The following NBAS variants were observed in gnomAD, a reference collection of about 807,000 sequenced individuals.
NBAS encodes the protein NBAS subunit of NRZ tethering complex.
Under a neutral mutation model 302.5 loss-of-function variants are expected in NBAS, and 219 were observed. The ratio of observed to expected loss-of-function variants is 0.72; its 90% confidence interval spans 0.65 to 0.81. NBAS has a LOEUF of 0.81. Among genes scored for constraint, NBAS ranks in the 30% least tolerant of loss-of-function variants. NBAS has a pLI of 0.00. For missense variants in NBAS, 2,932 were observed against 2,841.6 expected, an observed-to-expected ratio of 1.03 and a Z score of -0.72; for synonymous variants, 1,118 against 1,021.6, an observed-to-expected ratio of 1.09 and a Z score of -1.80.
chr2:15,455,721 G>A (rs1679219852), intron 21 of NBAS, among the ~76,000 whole-genome samples: 1 of 150,890 alleles, frequency 6.6e-6, no homozygotes. Flanking sequence ...GAAGACTGCA[G>A]TGCAGTTAAG....
the NBAS span, among the ~76,000 whole-genome samples, chr2:15,148,884 C>G: frequency 6.6e-6 from 1 of 152,120 alleles, no homozygotes; most frequent in African/African-American, 2.4e-5. Context: ...AAAATACTTT[C>G]CTATGCTTCA....
Position 15,475,828 on chromosome 2 carries a change from T to C in NBAS, c.1200A>G (p.Ala400=), listed in dbSNP as rs946121556. Residue 400 remains alanine (A), a synonymous_variant, in exon 14 of 52, where the codon GCA becomes GCG. Coordinates refer to ENST00000281513, the MANE Select transcript of NBAS (RefSeq NM_015909.4). The part of the protein sequence containing the change: ...LIDVNWWADS[A]VTLARCSGAL... ...CACCAGAGCATCGAGCTAAAGTCAC[T>C]GCACTGTCTGCCCACCAATTGACAT... is the stretch of plus-strand genomic sequence containing the variant. The C allele has an allele frequency of 1.9e-6, 3 of 1,614,056 alleles. No individual in the cohort carries two copies. Among genetic ancestry groups the C allele is most frequent in the Non-Finnish European group, 1.7e-6 (2 of 1,179,956 alleles).
At chr2:14,972,503 C>T in the NBAS span, among the ~76,000 whole-genome samples, 2 of 152,140 alleles carry the variant, frequency 1.3e-5, no homozygotes. Context: ...GCAGATCATA[C>T]ACAAAGATTT....
intron 42 of NBAS, among the ~76,000 whole-genome samples, chr2:15,279,709 G>A (rs1031123429): frequency 1.1e-4 from 16 of 152,130 alleles, no homozygotes; most frequent in African/African-American, 3.9e-4. Context: ...TGTCAAGACA[G>A]ATACTGGAAT....
chr2:14,811,889 T>A, the NBAS span, among the ~76,000 whole-genome samples: 2 of 152,176 alleles, frequency 1.3e-5, no homozygotes, highest in East Asian at 1.9e-4. Context: ...GAATAAACAA[T>A]CTATGAGGCT....
chr2:15,257,396 ATTTC>A (rs1203407949), intron 44 of NBAS, among the ~76,000 whole-genome samples: 64 of 132,318 alleles, frequency 4.8e-4, no homozygotes, highest in Admixed American at 3.0e-3. Context: ...CTCCCATTTA[ATTTC>A]TTTTTTTTTT....
At chr2:15,156,100 T>C in the NBAS span, among the ~76,000 whole-genome samples, 1 of 152,212 alleles carries the variant, frequency 6.6e-6, no homozygotes, top group Non-Finnish European at 1.5e-5. Context: ...AAATGTTGCC[T>C]TCTGAGTTTT....
chr2:14,882,140 G>T, the NBAS span, among the ~76,000 whole-genome samples: 1 of 152,108 alleles, frequency 6.6e-6, no homozygotes, highest in Non-Finnish European at 1.5e-5. Flanking sequence ...TGGCTACAAT[G>T]CTCAACACAG....
intron 35 of NBAS, among the ~76,000 whole-genome samples, chr2:15,348,567 T>C (rs910482035): frequency 2.6e-5 from 4 of 152,088 alleles, no homozygotes; most frequent in Non-Finnish European, 5.9e-5. Flanking sequence ...AAATAATTCA[T>C]AAAGCTGAGC....
rs1558275354 is a variant in NBAS, at chr2:15,366,636, G to GT, written c.3760dup (p.Thr1254AsnfsTer4). The GT allele has an allele frequency of 6.2e-7, 1 of 1,614,128 alleles. No homozygotes were observed. Among genetic ancestry groups the GT allele is most frequent in the Admixed American group, 1.7e-5 (1 of 60,020 alleles). On this transcript the variant is annotated frameshift_variant, in exon 32 of 52. Coordinates refer to ENST00000281513, the MANE Select transcript of NBAS (RefSeq NM_015909.4). LOFTEE classifies it high-confidence loss of function. ...AAGCTTGGTGGATTGTTTATAGCAT[G>GT]TGGGGGACTGGGAAATACACTCCTT...
At chr2:15,500,041 C>T (rs995876290) in intron 11 of NBAS, among the ~76,000 whole-genome samples, 6 of 152,146 alleles carry the variant, frequency 3.9e-5, no homozygotes, top group Admixed American at 2.6e-4. Context: ...ATTTGGAGAA[C>T]GAGTTGTACT....
chr2:14,854,267 A>G, the NBAS span, among the ~76,000 whole-genome samples: 1 of 152,112 alleles, frequency 6.6e-6, no homozygotes, highest in Admixed American at 6.5e-5. Flanking sequence ...ATGCATCTTA[A>G]TTAAAAAAGC....
the NBAS span, among the ~76,000 whole-genome samples, chr2:15,016,099 C>A: frequency 6.6e-6 from 1 of 152,142 alleles, no homozygotes; most frequent in South Asian, 2.1e-4. Context: ...ATAGCCAAGA[C>A]TGGGTAATTT....
At chr2:14,971,797 G>A in the NBAS span, among the ~76,000 whole-genome samples, 324 of 152,286 alleles carry the variant, frequency 2.1e-3, 1 homozygote, top group African/African-American at 7.6e-3. Flanking sequence ...AATTGTAAAT[G>A]GCTACATACA....
chr2:15,166,387 T>C (rs551128140), downstream of NBAS, among the ~76,000 whole-genome samples: 2 of 152,230 alleles, frequency 1.3e-5, no homozygotes, highest in Admixed American at 6.5e-5. Flanking sequence ...CAGACAGCAA[T>C]CATGTATTGG....
chr2:15,292,553 T>C lies in NBAS; in HGVS notation c.5011A>G (p.Ile1671Val). ...TADDQYKRET[I>V]LGLAETLEES... ...ATCACTTACTCTGCCAGACCAAGGA[T>C]AGTTTCCCTTTTATACTGGTCATCT... The change falls in exon 41 of 52, where the codon ATC becomes GTC. Residue 1671 changes from isoleucine (I) to valine (V), a missense_variant. Ile to Val is a conservative substitution (Grantham distance 29). Coordinates refer to ENST00000281513, the MANE Select transcript of NBAS (RefSeq NM_015909.4). 1 of 1,614,200 alleles carries C rather than the reference T, an allele frequency of 6.2e-7. No homozygotes were observed. The highest frequency in any genetic ancestry group is 8.5e-7 in the Non-Finnish European group (1 of 1,180,032).
rs534487037 is a variant in NBAS at position 15,255,653 on chromosome 2, G to A, written c.5725-16967C>T. Among the ~76,000 whole-genome samples, 32 of 152,228 alleles carry A rather than the reference G, an allele frequency of 2.1e-4. 1 individual carries two copies. The highest frequency in any genetic ancestry group is 6.5e-4 in the African/African-American group (27 of 41,552). On this transcript the variant is annotated intron_variant, in intron 44 of 51. Coordinates refer to ENST00000281513, the MANE Select transcript of NBAS (RefSeq NM_015909.4). Reference sequence around the variant, plus strand: ...CAATGTCTAGAAGAGTTTTTCCAACGTTATCCTCTAGAATTTTTATGCTTC... The same window carrying A: ...CAATGTCTAGAAGAGTTTTTCCAACATTATCCTCTAGAATTTTTATGCTTC...
At chr2:15,482,513 T>A (rs751622485) in intron 12 of NBAS, among the ~76,000 whole-genome samples, 106 of 151,966 alleles carry the variant, frequency 7.0e-4, no homozygotes, top group Non-Finnish European at 1.4e-3. Context: ...GTTATAGGAG[T>A]GATGGCTGTG....
At chr2:14,831,831 A>C in the NBAS span, among the ~76,000 whole-genome samples, 1 of 152,234 alleles carries the variant, frequency 6.6e-6, no homozygotes, top group Non-Finnish European at 1.5e-5. Flanking sequence ...TGTAAGTGAA[A>C]TAATAATTCA....
Sources: allele counts gnomAD v4.1 joint callset (sites outside exome capture counted in the v4.1 genomes callset), GRCh38; gene constraint gnomAD v4.1.1; transcripts MANE v1.5; gene names NCBI Gene and HGNC (gene_info 2026-07-23, HGNC 2026-07-21).